KLHL32: variants seen among roughly 807,000 people sequenced by gnomAD.
KLHL32 encodes the protein kelch-like protein 32.
A neutral mutation model predicts 64.8 loss-of-function variants in KLHL32; 35 were observed. That is an observed-to-expected ratio of 0.54 (90% CI 0.41 to 0.72). The LOEUF (loss-of-function observed/expected upper bound fraction) is 0.72, where lower values mean the gene tolerates loss of function less well. Ranked by LOEUF, KLHL32 falls within the 30% of genes least tolerant of loss-of-function variation. KLHL32 has a pLI of 0.00. For synonymous variants in KLHL32, 259 were observed against 281.0 expected (o/e 0.92, Z 0.78); for missense variants, 589 against 768.5 (o/e 0.77, Z 2.76).
chr6:96,941,274 C>A (rs1771249285), intron 1 of KLHL32, among the ~76,000 whole-genome samples: 1 of 152,190 alleles, frequency 6.6e-6, no homozygotes, highest in Non-Finnish European at 1.5e-5. Context: ...GTTCTTTCCA[C>A]CTGGGTTGAC....
chr6:97,063,385 A>C (rs1465382527), intron 4 of KLHL32, among the ~76,000 whole-genome samples: 1 of 152,234 alleles, frequency 6.6e-6, no homozygotes, highest in Non-Finnish European at 1.5e-5. Flanking sequence ...CAGTAGAAAG[A>C]GAACCTATAG....
the KLHL32 span, among the ~76,000 whole-genome samples, chr6:96,908,385 C>T: frequency 8.5e-5 from 13 of 152,124 alleles, no homozygotes; most frequent in Non-Finnish European, 1.6e-4. Flanking sequence ...AAACTGGGCT[C>T]GCCTAATGAT....
intron 3 of KLHL32, among the ~76,000 whole-genome samples, chr6:97,027,848 A>C (rs1013217022): frequency 2.0e-5 from 3 of 152,218 alleles, no homozygotes; most frequent in Non-Finnish European, 2.9e-5. Flanking sequence ...CCGAGAATTC[A>C]GATTAGATAC....
At chr6:97,064,573 G>A (rs908117172) in intron 4 of KLHL32, 55 bp from the exon 5 acceptor site, 38 of 1,242,548 alleles carry the variant, frequency 3.1e-5, no homozygotes, top group Non-Finnish European at 1.5e-5. Flanking sequence ...ATATTAAGCA[G>A]CATTATATTT....
chr6:96,959,842 A>G (rs1773691632), intron 1 of KLHL32, among the ~76,000 whole-genome samples: 1 of 152,208 alleles, frequency 6.6e-6, no homozygotes, highest in Non-Finnish European at 1.5e-5. Flanking sequence ...ACTTCCAGTG[A>G]CAGAGGTATT....
chr6:97,034,296 C>T (rs1450260163), intron 3 of KLHL32, among the ~76,000 whole-genome samples: 1 of 152,052 alleles, frequency 6.6e-6, no homozygotes, highest in Admixed American at 6.5e-5. Flanking sequence ...ATTGTGTGTT[C>T]TTGGCACCCT....
At chr6:96,903,006 T>TCAGCCCTGTAC in the KLHL32 span, among the ~76,000 whole-genome samples, 70 of 152,298 alleles carry the variant, frequency 4.6e-4, no homozygotes, top group East Asian at 0.012. Flanking sequence ...GTAGAATAGT[T>TCAGCCCTGTAC]TGAAGTCAGG....
chr6:97,060,619 C>A (rs1342680765), intron 4 of KLHL32, among the ~76,000 whole-genome samples: 1 of 152,170 alleles, frequency 6.6e-6, no homozygotes, highest in Non-Finnish European at 1.5e-5. Context: ...AGTCTTATTG[C>A]AGTTTAGAGG....
chr6:96,964,711 T>C (rs748412020), intron 1 of KLHL32, among the ~76,000 whole-genome samples: 1 of 152,142 alleles, frequency 6.6e-6, no homozygotes, highest in Non-Finnish European at 1.5e-5. Flanking sequence ...TTTAATTCAA[T>C]ATATACATTT....
At chr6:97,108,571 A>G (rs1796711692) in intron 6 of KLHL32, among the ~76,000 whole-genome samples, 1 of 152,078 alleles carries the variant, frequency 6.6e-6, no homozygotes, top group South Asian at 2.1e-4. Flanking sequence ...ATTGTTTTGA[A>G]TTTTCTTTGC....
At chr6:97,132,830 A>C in intron 10 of KLHL32, 83 bp downstream of exon 10, 4 of 960,700 alleles carry the variant, frequency 4.2e-6, no homozygotes, top group Non-Finnish European at 4.8e-6. Context: ...GAAGAAAGAG[A>C]TATTTATGTT....
chr6:97,015,771 G>T (rs575472315), intron 3 of KLHL32, among the ~76,000 whole-genome samples: 6 of 152,314 alleles, frequency 3.9e-5, no homozygotes, highest in African/African-American at 1.4e-4. Context: ...GCATGTCAGA[G>T]ATCTTGGTGG....
intron 6 of KLHL32, among the ~76,000 whole-genome samples, chr6:97,088,239 A>G (rs1275195766): frequency 1.3e-5 from 2 of 152,202 alleles, no homozygotes; most frequent in African/African-American, 4.8e-5. Flanking sequence ...CAGCTCAACA[A>G]TTTGGTTTTA....
At chr6:96,906,610 T>C in the KLHL32 span, among the ~76,000 whole-genome samples, 1 of 152,184 alleles carries the variant, frequency 6.6e-6, no homozygotes, top group Non-Finnish European at 1.5e-5. Flanking sequence ...GTTAAGTTTT[T>C]TGGTCCAATT....
intron 4 of KLHL32, 63 bp downstream of exon 4, chr6:97,041,662 A>T: frequency 1.1e-6 from 1 of 938,226 alleles, no homozygotes; most frequent in Non-Finnish European, 1.7e-6. Flanking sequence ...AAAGGAGATT[A>T]TCCTTGAGGT....
At position 97,039,098 on chromosome 6, in the gene KLHL32, A is replaced by AAAAAAAAAG. The variant is rs1237401247; in HGVS notation, c.205-2387_205-2386insAGAAAAAAA. Among the ~76,000 whole-genome samples, 248 of 151,626 alleles carry AAAAAAAAAG rather than the reference A, an allele frequency of 1.6e-3. 1 individual carries two copies. Among genetic ancestry groups the AAAAAAAAAG allele is most frequent in the African/African-American group, 5.1e-3 (209 of 41,292 alleles). ...GAGCAAGACTCTGTCTCAAAAAAAA[A>AAAAAAAAAG]AAAAAAAGAAAAAAAGAAAAAGAAA... On this transcript the variant is annotated intron_variant, in intron 3 of 10. Transcript: ENST00000369261.
chr6:96,939,707 A>G (rs1771048812), intron 1 of KLHL32, among the ~76,000 whole-genome samples: 1 of 152,192 alleles, frequency 6.6e-6, no homozygotes, highest in African/African-American at 2.4e-5. Context: ...CGGGTAGAGA[A>G]GGACTGCACA....
chr6:96,994,696 C>T, intron 3 of KLHL32: 2 of 899,654 alleles, frequency 2.2e-6, no homozygotes, highest in Non-Finnish European at 2.7e-6. Flanking sequence ...CTGTGATCAT[C>T]ACCATTTTAA....
chr6:96,931,652 G>A (rs965361964), intron 1 of KLHL32, among the ~76,000 whole-genome samples: 7 of 152,126 alleles, frequency 4.6e-5, no homozygotes, highest in South Asian at 2.1e-4. Flanking sequence ...CATTACTTGA[G>A]ATACCTAAAA....
Sources: gnomAD v4.1 joint callset for allele counts (sites outside exome capture counted in the v4.1 genomes callset) on GRCh38, gnomAD v4.1.1 for gene constraint, MANE v1.5 for transcripts, NCBI Gene and HGNC (gene_info 2026-07-23, HGNC 2026-07-21) for gene names.